The following JAKMIP3 variants were observed in gnomAD, a reference collection of about 807,000 sequenced individuals.
JAKMIP3 encodes Janus kinase and microtubule interacting protein 3.
Under a neutral mutation model 118.5 loss-of-function variants are expected in JAKMIP3, and 58 were observed. The ratio of observed to expected loss-of-function variants is 0.49; its 90% CI spans 0.40 to 0.61. JAKMIP3 has a LOEUF of 0.61. Ranked by LOEUF, JAKMIP3 falls within the 20% of genes least tolerant of loss-of-function variation. The pLI is 0.00. For missense variants in JAKMIP3, 950 were observed against 1,109.0 expected (o/e 0.86, Z 2.04); for synonymous variants, 486 against 451.2 (o/e 1.08, Z -0.98).
At chr10:132,047,215 G>A (rs557590362) in intron 1 of JAKMIP3, among the ~76,000 whole-genome samples, 13 of 152,310 alleles carry the variant, frequency 8.5e-5, no homozygotes, top group African/African-American at 3.1e-4. Context: ...GCAGGGAGTG[G>A]ACTGATATAA....
chr10:132,138,674 A>T (rs1009218723), intron 9 of JAKMIP3, among the ~76,000 whole-genome samples: 2 of 152,244 alleles, frequency 1.3e-5, no homozygotes, highest in African/African-American at 4.8e-5. Context: ...AATTGGTAAC[A>T]ACCATACCAG....
intron 1 of JAKMIP3, among the ~76,000 whole-genome samples, chr10:132,050,688 C>T (rs1490686072): frequency 1.3e-5 from 2 of 152,138 alleles, no homozygotes; most frequent in African/African-American, 4.8e-5. Context: ...CTGATCATTC[C>T]CATACAAGGC....
chr10:132,105,528 C>CT (rs1412107946), intron 2 of JAKMIP3, among the ~76,000 whole-genome samples: 1 of 128,728 alleles, frequency 7.8e-6, no homozygotes, highest in Non-Finnish European at 1.6e-5. Context: ...CTGAGCTGTG[C>CT]TGGCAGCCAA....
intron 1 of JAKMIP3, among the ~76,000 whole-genome samples, chr10:132,089,693 C>T (rs1029431226): frequency 1.3e-5 from 2 of 152,048 alleles, no homozygotes; most frequent in African/African-American, 4.8e-5. Context: ...AATTGAATAC[C>T]CTTTATTTCT....
intron 3 of JAKMIP3, among the ~76,000 whole-genome samples, chr10:132,122,508 G>A (rs2048742464): frequency 6.6e-6 from 1 of 152,214 alleles, no homozygotes; most frequent in Admixed American, 6.5e-5. Context: ...GGACTGGGCA[G>A]GGGCAGAAGC....
At chr10:132,123,513 G>A (rs964965437) in intron 3 of JAKMIP3, among the ~76,000 whole-genome samples, 1 of 152,178 alleles carries the variant, frequency 6.6e-6, no homozygotes, top group Non-Finnish European at 1.5e-5. Flanking sequence ...TTCAAATATG[G>A]CTATAAAAAT....
At chr10:132,177,009 C>T (rs2060202606) in intron 23 of JAKMIP3, among the ~76,000 whole-genome samples, 1 of 152,130 alleles carries the variant, frequency 6.6e-6, no homozygotes, top group Non-Finnish European at 1.5e-5. Flanking sequence ...GAAGGTGTTT[C>T]TCAAATGTTA....
intron 10 of JAKMIP3, 107 bp from the exon 11 acceptor site, chr10:132,141,813 C>T (rs2053570768): frequency 1.6e-6 from 2 of 1,282,874 alleles, no homozygotes; most frequent in Non-Finnish European, 2.1e-6. Context: ...CCCCCATACA[C>T]CATTTGATAT....
rs544087573 is a variant in JAKMIP3, at chr10:132,135,723, G to A, written c.970-207G>A. On this transcript the variant is annotated intron_variant, in intron 5 of 23. Coordinates refer to ENST00000684848, the MANE Select transcript of JAKMIP3 (RefSeq NM_001323087.2). The stretch of plus-strand genomic sequence containing the variant: ...GGGCGAGCGGGTTCACCTGGGCACT[G>A]GACGAGCAGGTTCACCAGTGCTCTG... Among the ~76,000 whole-genome samples, 7 of 152,198 alleles carry A rather than the reference G, an allele frequency of 4.6e-5. No individual in the cohort carries two copies. In the South Asian group the frequency reaches 1.0e-3, roughly 23 times the overall value.
intron 1 of JAKMIP3, among the ~76,000 whole-genome samples, chr10:132,045,010 G>A (rs532140322): frequency 6.6e-6 from 1 of 152,090 alleles, no homozygotes; most frequent in Non-Finnish European, 1.5e-5. Context: ...ACACTGGGGG[G>A]CTCCATGTTT....
chr10:132,079,411 G>A (rs1288634923), intron 1 of JAKMIP3, among the ~76,000 whole-genome samples: 1 of 152,130 alleles, frequency 6.6e-6, no homozygotes, highest in Non-Finnish European at 1.5e-5. Context: ...GCACTGGAGG[G>A]CATGCATTTT....
chr10:132,053,721 G>A (rs1484047997), intron 1 of JAKMIP3, among the ~76,000 whole-genome samples: 3 of 152,176 alleles, frequency 2.0e-5, no homozygotes, highest in Admixed American at 2.0e-4. Flanking sequence ...CGCTGTTGGA[G>A]GAGTGGAGCA....
At position 132,183,547 on chromosome 10, in the gene JAKMIP3, ATATGTACCAAATCCT is replaced by A. The variant is rs2061642305; in HGVS notation, c.*2299_*2313del. 6.6e-6 allele frequency: 1 copy of A among 152,268 alleles called. No homozygotes were observed. Among genetic ancestry groups the A allele is most frequent in the African/African-American group, 2.4e-5 (1 of 41,478 alleles). The allele number at this position is 152,268 out of a possible 1,614,324, so 9.4% of individuals were successfully genotyped here. On this transcript the variant is annotated 3_prime_UTR_variant, in exon 24 of 24. Coordinates refer to ENST00000684848, the MANE Select transcript of JAKMIP3 (RefSeq NM_001323087.2). The stretch of plus-strand genomic sequence containing the variant: ...CTATACGGCAAAGAGAAGCATGTAA[ATATGTACCAAATCCT>A]TATGAAGTTGTAATTGTTTATATGT...
chr10:132,137,938 A>C (rs928421730), intron 8 of JAKMIP3, among the ~76,000 whole-genome samples, 181 bp from the exon 9 acceptor site: 2 of 152,268 alleles, frequency 1.3e-5, no homozygotes, highest in Non-Finnish European at 2.9e-5. Flanking sequence ...GTCACCCTGG[A>C]GACAGGAGCT....
chr10:132,116,056 C>T (rs1158553928), intron 2 of JAKMIP3, among the ~76,000 whole-genome samples: 2 of 152,246 alleles, frequency 1.3e-5, no homozygotes, highest in South Asian at 2.1e-4. Context: ...AGCGTGTCCT[C>T]CCTTAACCCC....
chr10:132,149,681 C>CCCCCACCCTACCCCTACCCCT, intron 15 of JAKMIP3, among the ~76,000 whole-genome samples, 171 bp downstream of exon 15: 1 of 8,620 alleles, frequency 1.2e-4, no homozygotes, highest in South Asian at 5.2e-3. Flanking sequence ...CCCCTCCCTG[C>CCCCCACCCTACCCCTACCCCT]CCCACCTCAC....
At chr10:132,052,746 A>T (rs2038135596) in intron 1 of JAKMIP3, among the ~76,000 whole-genome samples, 1 of 152,152 alleles carries the variant, frequency 6.6e-6, no homozygotes, top group African/African-American at 2.4e-5. Context: ...CAAATTTGGT[A>T]TATCACCTTT....
Position 132,168,073 on chromosome 10 carries a change from G to A in JAKMIP3, c.*143G>A, listed in dbSNP as rs764780929. ...GGTCTCTGCACGCCCGTCCCGTGGAGGAAGAGTGAGAAGGGGCAGTGTGTG... is the reference window on the plus strand; with the variant it reads ...GGTCTCTGCACGCCCGTCCCGTGGAAGAAGAGTGAGAAGGGGCAGTGTGTG... On this transcript the variant is annotated 3_prime_UTR_variant, in exon 23 of 24. Coordinates refer to ENST00000684848, the MANE Select transcript of JAKMIP3 (RefSeq NM_001323087.2). 2 of 1,289,546 alleles carry A rather than the reference G, an allele frequency of 1.6e-6. No homozygotes were observed. The highest frequency in any genetic ancestry group is 2.5e-5 in the South Asian group (2 of 81,030). The allele number at this position is 1,289,546 out of a possible 1,614,324, so 79.9% of individuals were successfully genotyped here.
chr10:132,114,310 G>C (rs2047306614), intron 2 of JAKMIP3, among the ~76,000 whole-genome samples: 1 of 152,208 alleles, frequency 6.6e-6, no homozygotes. Flanking sequence ...CTACCCCCCG[G>C]CTCAAGCAAT....
Sources: gnomAD v4.1 joint callset for allele counts (sites outside exome capture counted in the v4.1 genomes callset) on GRCh38, gnomAD v4.1.1 for gene constraint, MANE v1.5 for transcripts, NCBI Gene and HGNC (gene_info 2026-07-23, HGNC 2026-07-21) for gene names.